C2orf69: variants seen among roughly 807,000 people sequenced by gnomAD.
C2orf69 encodes the protein chromosome 2 open reading frame 69, also known as mitochondrial protein C2orf69.
C2orf69 carries 19 observed loss-of-function variants against 29.5 expected under a neutral mutation model. The ratio of observed to expected loss-of-function variants is 0.65; its 90% CI spans 0.45 to 0.95. The LOEUF (loss-of-function observed/expected upper bound fraction) is 0.95, where lower values mean the gene tolerates loss of function less well. Ranked by LOEUF, C2orf69 falls within the 40% of genes least tolerant of loss-of-function variation. The pLI, the probability that C2orf69 is intolerant of heterozygous loss-of-function variation, is 0.00. For missense variants in C2orf69, 416 were observed against 482.1 expected (o/e 0.86, Z 1.28); for synonymous variants, 194 against 180.0 (o/e 1.08, Z -0.62).
chr2:199,924,174 G>A (rs2077327506), intron 1 of C2orf69, among the ~76,000 whole-genome samples: 1 of 152,158 alleles, frequency 6.6e-6, no homozygotes, highest in South Asian at 2.1e-4. Context: ...TTGGAAGAAT[G>A]AGGTAGGAGG....
intron 1 of C2orf69, among the ~76,000 whole-genome samples, chr2:199,914,605 C>A (rs1349442904): frequency 6.6e-6 from 1 of 152,150 alleles, no homozygotes; most frequent in Non-Finnish European, 1.5e-5. Flanking sequence ...CTGTTAATAT[C>A]CTGTCCTGCA....
intron 1 of C2orf69, 85 bp downstream of exon 1, chr2:199,911,856 T>A (rs903458192): frequency 6.6e-7 from 1 of 1,519,840 alleles, no homozygotes; most frequent in Non-Finnish European, 8.8e-7. Flanking sequence ...GGCTGCTGCC[T>A]GGTTCCTTTC....
Position 199,920,953 on chromosome 2 carries a change from CAAAAAAAAAAAA to C in C2orf69, c.334-4099_334-4088del, listed in dbSNP as rs1284333280. Among the ~76,000 whole-genome samples, 4 of 45,898 alleles carry C rather than the reference CAAAAAAAAAAAA, an allele frequency of 8.7e-5. No homozygotes were observed. In the East Asian group the frequency reaches 3.9e-3, roughly 45 times the overall value. 30.1% of individuals were successfully genotyped at this position (45,898 alleles called of 152,430 possible). On this transcript the variant is annotated intron_variant, in intron 1 of 1. Coordinates refer to ENST00000319974, the MANE Select transcript of C2orf69 (RefSeq NM_153689.6). The stretch of plus-strand genomic sequence containing the variant: ...CCTGGGGGACAGAGCCTGAGACTCT[CAAAAAAAAAAAA>C]AAAAAAAAAGTCACTTGTTGGCCTT...
intron 1 of C2orf69, among the ~76,000 whole-genome samples, chr2:199,913,208 A>T (rs1175218098): frequency 6.8e-5 from 6 of 87,862 alleles, no homozygotes; most frequent in East Asian, 2.7e-4. Flanking sequence ...ATAATATATA[A>T]TATATTATAT....
At chr2:199,916,053 C>T (rs547823444) in intron 1 of C2orf69, among the ~76,000 whole-genome samples, 17 of 152,184 alleles carry the variant, frequency 1.1e-4, no homozygotes, top group Admixed American at 1.3e-4. Flanking sequence ...AAGACATACC[C>T]GAGGCTGGGT....
chr2:199,913,454 CTATTATATAAAATATA>C (rs1309733218), intron 1 of C2orf69, among the ~76,000 whole-genome samples: 4 of 71,626 alleles, frequency 5.6e-5, no homozygotes, highest in African/African-American at 1.2e-4. Flanking sequence ...AATATATATT[CTATTATATAAAATATA>C]TATTATATAA....
intron 1 of C2orf69, among the ~76,000 whole-genome samples, 162 bp downstream of exon 1, chr2:199,911,933 G>T (rs995885515): frequency 1.3e-5 from 2 of 152,106 alleles, no homozygotes; most frequent in Non-Finnish European, 2.9e-5. Flanking sequence ...ATCCAAAACC[G>T]TGCCTTCCAC....
rs778131370 is a variant in C2orf69 at position 199,911,470 on chromosome 2, C to T, written c.32C>T (p.Pro11Leu). 13 of 1,545,310 alleles carry T rather than the reference C, an allele frequency of 8.4e-6. No individual in the cohort carries two copies. Among genetic ancestry groups the T allele is most frequent in the African/African-American group, 8.3e-5 (6 of 72,566 alleles). The change falls in exon 1 of 2, where the codon CCG (proline) becomes CTG (leucine). Residue 11 changes from proline to leucine, a missense_variant. This residue lies in a region of C2orf69 where 175 missense variants were observed against 139.9 expected (regional missense o/e 1.25). Coordinates refer to ENST00000319974, the MANE Select transcript of C2orf69 (RefSeq NM_153689.6). ...GGGTTCAGGCTCCTGCGGTCGCCGCCGTTGCTGCTCCTGCTGCCGCAGCTC... is the reference window on the plus strand; with the variant it reads ...GGGTTCAGGCTCCTGCGGTCGCCGCTGTTGCTGCTCCTGCTGCCGCAGCTC... MWGFRLLRSP[P>L]LLLLLPQLGI...
At position 199,913,753 on chromosome 2, in the gene C2orf69, G is replaced by A. The variant is rs142449535; in HGVS notation, c.333+1982G>A. ...TGGGAAAATAACATGTGACATTTCC[G>A]ACTATGACTGCCAGAATAATTTTGT... On this transcript the variant is annotated intron_variant, in intron 1 of 1. Coordinates refer to ENST00000319974, the MANE Select transcript of C2orf69 (RefSeq NM_153689.6). Among the ~76,000 whole-genome samples, 253 of 151,478 alleles carry A rather than the reference G, an allele frequency of 1.7e-3. 3 individuals are homozygous for A. Among genetic ancestry groups the A allele is most frequent in the African/African-American group, 5.9e-3 (242 of 41,266 alleles).
At position 199,911,576 on chromosome 2, in the gene C2orf69, G is replaced by A; in HGVS notation, c.138G>A (p.Ser46=). The A allele has an allele frequency of 6.5e-7, 1 of 1,549,650 alleles. No homozygotes were observed. Among genetic ancestry groups the A allele is most frequent in the South Asian group, 1.2e-5 (1 of 83,994 alleles). Residue 46 remains serine, a synonymous_variant, in exon 1 of 2, where the codon TCG becomes TCA. Transcript: ENST00000319974. Reference sequence around the variant, plus strand: ...GCGGCGGCGCGCGATGCTCCCTCTCGGCCGAGGTGCGCCGCCGTCAGTGCC... The same window carrying A: ...GCGGCGGCGCGCGATGCTCCCTCTCAGCCGAGGTGCGCCGCCGTCAGTGCC... The part of the protein sequence containing the change: ...GGSGGARCSL[S]AEVRRRQCLQ...
At position 199,911,481 on chromosome 2, in the gene C2orf69, C is replaced by G; in HGVS notation, c.43C>G (p.Leu15Val). The change falls in exon 1 of 2, where the codon CTG becomes GTG. Residue 15 changes from leucine to valine, a missense_variant. By Grantham distance (32) the Leu-to-Val change is conservative. This residue lies in a region of C2orf69 where 175 missense variants were observed against 139.9 expected (regional missense o/e 1.25). Transcript: ENST00000319974. ...RLLRSPPLLL[L>V]LPQLGIGNAS... ...CCTGCGGTCGCCGCCGTTGCTGCTC[C>G]TGCTGCCGCAGCTCGGAATCGGAAA... The G allele has an allele frequency of 6.5e-7, 1 of 1,546,834 alleles. No homozygotes were observed. The highest frequency in any genetic ancestry group is 8.7e-7 in the Non-Finnish European group (1 of 1,145,192).
intron 1 of C2orf69, among the ~76,000 whole-genome samples, chr2:199,914,890 G>A (rs1453446254): frequency 6.6e-6 from 1 of 151,938 alleles, no homozygotes; most frequent in African/African-American, 2.4e-5. Context: ...GTATATATAG[G>A]CTTCCTATCA....
Position 199,911,609 on chromosome 2 carries a change from T to C in C2orf69, c.171T>C (p.Leu57=). The change falls in exon 1 of 2, where the codon CTT becomes CTC. Residue 57 remains leucine (L), a synonymous_variant. Transcript: ENST00000319974. ...TGCGCCGCCGTCAGTGCCTGCAGCT[T>C]TCCACCGTGCCTGGAGCCGATCCGC... ...AEVRRRQCLQ[L]STVPGADPQR... 1 of 1,549,636 alleles carries C rather than the reference T, an allele frequency of 6.5e-7. No homozygotes were observed. The highest frequency in any genetic ancestry group is 8.7e-7 in the Non-Finnish European group (1 of 1,146,600).
At chr2:199,921,599 T>C (rs2077316442) in intron 1 of C2orf69, among the ~76,000 whole-genome samples, 1 of 152,172 alleles carries the variant, frequency 6.6e-6, no homozygotes, top group South Asian at 2.1e-4. Flanking sequence ...AGCACTCTTT[T>C]ATGTTTCCAG....
chr2:199,911,577 G>A lies in C2orf69; in HGVS notation c.139G>A (p.Ala47Thr), dbSNP rs1022042628. The A allele has an allele frequency of 8.4e-6, 13 of 1,549,456 alleles. No individual in the cohort carries two copies. Among genetic ancestry groups the A allele is most frequent in the Admixed American group, 2.0e-5 (1 of 50,960 alleles). ...CGGCGGCGCGCGATGCTCCCTCTCG[G>A]CCGAGGTGCGCCGCCGTCAGTGCCT... ...GSGGARCSLS[A>T]EVRRRQCLQL... The change falls in exon 1 of 2, where the codon GCC becomes ACC. Residue 47 changes from alanine to threonine, a missense_variant. By Grantham distance (58) the Ala-to-Thr change is moderately conservative. This residue lies in a region of C2orf69 where 175 missense variants were observed against 139.9 expected (regional missense o/e 1.25). Coordinates refer to ENST00000319974, the MANE Select transcript of C2orf69 (RefSeq NM_153689.6).
intron 1 of C2orf69, among the ~76,000 whole-genome samples, chr2:199,918,418 G>A (rs991978364): frequency 1.3e-5 from 2 of 152,158 alleles, no homozygotes; most frequent in African/African-American, 4.8e-5. Context: ...CTGAAGTGCA[G>A]TGGTACAATC....
chr2:199,916,987 C>G (rs1464095431), intron 1 of C2orf69, among the ~76,000 whole-genome samples: 1 of 152,220 alleles, frequency 6.6e-6, no homozygotes, highest in East Asian at 1.9e-4. Context: ...CAAACTTCTG[C>G]CTGGACATCC....
intron 1 of C2orf69, among the ~76,000 whole-genome samples, chr2:199,916,606 C>G (rs1242310549): frequency 2.0e-5 from 3 of 152,224 alleles, no homozygotes; most frequent in Non-Finnish European, 4.4e-5. Flanking sequence ...TGGGTAAATA[C>G]AGCCATTCCA....
chr2:199,923,301 T>C (rs149835077), intron 1 of C2orf69, among the ~76,000 whole-genome samples: 6 of 152,354 alleles, frequency 3.9e-5, no homozygotes, highest in Non-Finnish European at 7.3e-5. Flanking sequence ...AAGTCTAATA[T>C]GTTTTGAACT....
Sources: allele counts gnomAD v4.1 joint callset (sites outside exome capture counted in the v4.1 genomes callset), GRCh38; gene constraint gnomAD v4.1.1; regional missense constraint gnomAD v4.1.1; transcripts MANE v1.5; gene names NCBI Gene and HGNC (gene_info 2026-07-23, HGNC 2026-07-21).